The following DST variants were observed in gnomAD, a reference collection of about 807,000 sequenced individuals.
DST encodes the protein dystonin, also known as bullous pemphigoid antigen.
DST carries 253 observed loss-of-function variants against 875.2 expected under a neutral mutation model. The observed-to-expected ratio is 0.29, with a 90% CI of 0.26 to 0.32. DST has a LOEUF of 0.32. DST is among the 10% of genes least tolerant of loss of function. DST has a pLI of 1.00. For missense variants in DST, 8,287 were observed against 9,111.6 expected, an observed-to-expected ratio of 0.91 and a Z score of 3.68; for synonymous variants, 3,124 against 3,197.1, an observed-to-expected ratio of 0.98 and a Z score of 0.77.
chr6:56,601,833 A>C (rs184489133), intron 43 of DST, among the ~76,000 whole-genome samples, 157 bp from the exon 44 acceptor site: 2 of 152,126 alleles, frequency 1.3e-5, no homozygotes, highest in Admixed American at 1.3e-4. Context: ...TTTATCATCT[A>C]GTAATAAATG....
chr6:56,707,774 A>G (rs1019430639), intron 5 of DST, among the ~76,000 whole-genome samples: 1 of 152,234 alleles, frequency 6.6e-6, no homozygotes, highest in African/African-American at 2.4e-5. Flanking sequence ...TTCCAAAACC[A>G]GGTGTCATTT....
chr6:56,864,326 C>T (rs1046737402), intron 3 of DST, among the ~76,000 whole-genome samples: 21 of 152,140 alleles, frequency 1.4e-4, no homozygotes, highest in Admixed American at 6.5e-5. Context: ...ATAAATAAAT[C>T]TCTGTGTGTG....
chr6:56,557,938 C>A (rs545423492), intron 58 of DST, among the ~76,000 whole-genome samples: 4 of 152,204 alleles, frequency 2.6e-5, no homozygotes, highest in African/African-American at 9.6e-5. Context: ...CCCAATTATT[C>A]TTTCCCATTC....
At position 56,590,303 on chromosome 6, in the gene DST, T is replaced by G. The variant is rs569152174; in HGVS notation, c.12903+1879A>C. Among the ~76,000 whole-genome samples, 13 of 152,326 alleles carry G rather than the reference T, an allele frequency of 8.5e-5. No individual in the cohort carries two copies. The East Asian group carries it at 2.3e-3, about 27-fold the overall frequency. On this transcript the variant is annotated intron_variant, in intron 49 of 103. Coordinates refer to ENST00000680361, the MANE Select transcript of DST (RefSeq NM_001374736.1). ...AAAAACCATCACATTCTTTGGGTTT[T>G]ATTCTTTTTCTGCTCTAGTTATATA...
At position 56,528,844 on chromosome 6, in the gene DST, T is replaced by C. The variant is rs2096847338; in HGVS notation, c.17677A>G (p.Thr5893Ala). 1 of 1,551,446 alleles carries C rather than the reference T, an allele frequency of 6.4e-7. No individual in the cohort carries two copies. Among genetic ancestry groups the C allele is most frequent in the Non-Finnish European group, 8.8e-7 (1 of 1,136,554 alleles). ...LNGLELLKQT[T>A]GDEVLIIQDK... ...TTTGATTTGAAAGATATCTCACCTG[T>C]GGTTTGTTTAAGTAGTTCTAAACCA... Residue 5893 changes from threonine (T) to alanine (A), a missense_variant, in exon 67 of 104, where the codon ACA (threonine) becomes GCA (alanine). Thr to Ala is a moderately conservative substitution (Grantham distance 58, BLOSUM62 0). Coordinates refer to ENST00000680361, the MANE Select transcript of DST (RefSeq NM_001374736.1).
intron 72 of DST, among the ~76,000 whole-genome samples, chr6:56,512,989 G>A (rs1024689555): frequency 6.6e-6 from 1 of 152,170 alleles, no homozygotes; most frequent in Non-Finnish European, 1.5e-5. Context: ...TGGAGGTGGT[G>A]ATGGTATATC....
Position 56,526,472 on chromosome 6 carries a change from T to G in DST, c.18018A>C (p.Arg6006Ser), listed in dbSNP as rs764041371. The G allele has an allele frequency of 6.2e-7, 1 of 1,613,888 alleles. No individual in the cohort carries two copies. The highest frequency in any genetic ancestry group is 8.5e-7 in the Non-Finnish European group (1 of 1,179,818). The stretch of plus-strand genomic sequence containing the variant: ...CAGCTACCATTTTCTCAAGTCCTTC[T>G]CTTGCCCTCCATGGTACCAGTTCCA... ...ALLELVPWRA[R>S]EGLEKMVAED... The change falls in exon 69 of 104, where the codon AGA (arginine) becomes AGC (serine). Residue 6006 changes from arginine to serine, a missense_variant. Around this residue, in one of 10 missense-constraint regions of DST, gnomAD observed 777 missense variants for 764.8 expected, o/e 1.02. Transcript: ENST00000680361.
chr6:56,782,247 G>T (rs375481769), intron 4 of DST, among the ~76,000 whole-genome samples: 28 of 152,302 alleles, frequency 1.8e-4, no homozygotes, highest in East Asian at 5.8e-4. Flanking sequence ...CAAAATGAGT[G>T]AGGGAGGATT....
Position 56,527,497 on chromosome 6 carries a change from G to A in DST, c.17918C>T (p.Pro5973Leu). 1 of 1,612,978 alleles carries A rather than the reference G, an allele frequency of 6.2e-7. No homozygotes were observed. Among genetic ancestry groups the A allele is most frequent in the African/African-American group, 1.3e-5 (1 of 75,010 alleles). ...GEEASQAQMR[P>L]KELKKEAKNN... ...AATGCAGAAATCAGAGCTTACCTTTGGTCTCATTTGTGCTTGACTTGCTTC... is the reference window on the plus strand; with the variant it reads ...AATGCAGAAATCAGAGCTTACCTTTAGTCTCATTTGTGCTTGACTTGCTTC... Residue 5973 changes from proline (P) to leucine (L), a missense_variant, in exon 68 of 104, where the codon CCA (proline) becomes CTA (leucine). Pro to Leu is a moderately conservative substitution (Grantham distance 98, BLOSUM62 -3). Around this residue, in one of 10 missense-constraint regions of DST, gnomAD observed 777 missense variants for 764.8 expected, o/e 1.02. Coordinates refer to ENST00000680361, the MANE Select transcript of DST (RefSeq NM_001374736.1).
intron 15 of DST, among the ~76,000 whole-genome samples, chr6:56,643,536 ATGGCATAAGAACAC>A (rs1417228884): frequency 6.6e-6 from 1 of 152,184 alleles, no homozygotes. Flanking sequence ...AGGATATTAC[ATGGCATAAGAACAC>A]TGGCTCTTTC....
intron 5 of DST, among the ~76,000 whole-genome samples, chr6:56,726,071 G>A (rs1017898128): frequency 2.0e-5 from 3 of 152,106 alleles, no homozygotes; most frequent in Admixed American, 6.5e-5. Context: ...TTGGAAATAC[G>A]CAATAGCCTT....
At position 56,954,484 on chromosome 6, in the gene DST, A is replaced by T. The variant is rs369858396; in HGVS notation, c.104T>A (p.Phe35Tyr). ...CTGGAGCTTGCGGTGCCAGCAGCAG[A>T]AGAAGACGATGGTGGCGATGGTGCC... ...LLGTIATIVF[F>Y]CCWHRKLQKG... Residue 35 changes from phenylalanine to tyrosine, a missense_variant, in exon 1 of 104, where the codon TTC becomes TAC. By Grantham distance (22) the Phe-to-Tyr change is conservative (BLOSUM62 3). Transcript: ENST00000680361. 7.3e-7 allele frequency: 1 copy of T among 1,367,550 alleles called. No homozygotes were observed. The highest frequency in any genetic ancestry group is 9.8e-7 in the Non-Finnish European group (1 of 1,021,808). The allele number at this position is 1,367,550 out of a possible 1,614,324, so 84.7% of individuals were successfully genotyped here. A position where few individuals can be genotyped will look rare whatever the true frequency, so the allele number is the denominator to read the frequency against.
chr6:56,709,805 T>C (rs1315262585), intron 5 of DST, among the ~76,000 whole-genome samples: 2 of 152,234 alleles, frequency 1.3e-5, no homozygotes, highest in Middle Eastern at 3.4e-3. Flanking sequence ...CAGGAAGCTA[T>C]GAGGAGCTTA....
chr6:56,559,351 C>A (rs2097494591), intron 58 of DST, among the ~76,000 whole-genome samples: 1 of 152,036 alleles, frequency 6.6e-6, no homozygotes, highest in South Asian at 2.1e-4. Context: ...AAATTAATTA[C>A]AACTTGACAG....
At chr6:56,503,625 A>ACACACACACC (rs1554261590) in intron 78 of DST, among the ~76,000 whole-genome samples, 2 of 151,046 alleles carry the variant, frequency 1.3e-5, no homozygotes, top group East Asian at 3.9e-4. Flanking sequence ...ACACACACAC[A>ACACACACACC]CACCCCATGT....
chr6:56,921,128 A>C (rs1348577654), intron 2 of DST, among the ~76,000 whole-genome samples: 1 of 151,958 alleles, frequency 6.6e-6, no homozygotes, highest in Admixed American at 6.6e-5. Flanking sequence ...GCTCTTTTAA[A>C]TTTCTGGAAC....
chr6:56,695,496 T>G (rs1259804554), intron 9 of DST, among the ~76,000 whole-genome samples: 2 of 152,234 alleles, frequency 1.3e-5, no homozygotes, highest in African/African-American at 4.8e-5. Flanking sequence ...GCCTGGTTAC[T>G]GGCATTCATC....
At chr6:56,692,742 T>C (rs761646473) in intron 9 of DST, 1 of 1,289,732 alleles carries the variant, frequency 7.8e-7, no homozygotes, top group South Asian at 1.2e-5. Context: ...GTTCACTAAC[T>C]TTTACTTCTG....
intron 63 of DST, among the ~76,000 whole-genome samples, chr6:56,534,843 T>C (rs747309011): frequency 2.6e-5 from 4 of 152,294 alleles, no homozygotes; most frequent in Middle Eastern, 3.4e-3. Context: ...ACTTTACTTA[T>C]TGTCTTTCAA....
Sources: allele counts gnomAD v4.1 joint callset (sites outside exome capture counted in the v4.1 genomes callset), GRCh38; gene constraint gnomAD v4.1.1; regional missense constraint gnomAD v4.1.1; transcripts MANE v1.5; gene names NCBI Gene and HGNC (gene_info 2026-07-23, HGNC 2026-07-21).